GABRA1: variants seen among roughly 807,000 people sequenced by gnomAD.
The protein encoded by GABRA1 is gamma-aminobutyric acid receptor subunit alpha-1.
A neutral mutation model predicts 48.9 loss-of-function variants in GABRA1; 9 were observed. That is an observed-to-expected ratio of 0.18 (90% CI 0.11 to 0.32). The LOEUF is 0.32. Among genes scored for constraint, GABRA1 ranks in the 10% least tolerant of loss-of-function variants. The pLI is 1.00. For synonymous variants in GABRA1, 210 were observed against 198.7 expected (o/e 1.06, Z -0.48); for missense variants, 285 against 553.8 (o/e 0.51, Z 4.87).
chr5:161,868,324 A>T (rs987222760), intron 4 of GABRA1, among the ~76,000 whole-genome samples: 1 of 152,150 alleles, frequency 6.6e-6, no homozygotes, highest in Non-Finnish European at 1.5e-5. Flanking sequence ...TAAAACCTCC[A>T]GCATGGAAGA....
At chr5:161,852,050 C>T (rs1040575197) in intron 2 of GABRA1, among the ~76,000 whole-genome samples, 3 of 151,910 alleles carry the variant, frequency 2.0e-5, no homozygotes, top group South Asian at 2.1e-4. Flanking sequence ...GCATCTTATT[C>T]GTAGGGTTTT....
chr5:161,889,904 A>G (rs1755014131), intron 7 of GABRA1, among the ~76,000 whole-genome samples: 1 of 152,090 alleles, frequency 6.6e-6, no homozygotes, highest in Non-Finnish European at 1.5e-5. Flanking sequence ...AGATATTTTA[A>G]GTTAAAAAAA....
intron 1 of GABRA1, chr5:161,848,852 G>A: frequency 3.2e-5 from 13 of 404,020 alleles, no homozygotes; most frequent in South Asian, 2.1e-4. Flanking sequence ...AAGTTAAGAC[G>A]CTGGGACGGA....
chr5:161,871,422 A>G (rs1754116515), intron 4 of GABRA1, among the ~76,000 whole-genome samples: 1 of 152,146 alleles, frequency 6.6e-6, no homozygotes, highest in South Asian at 2.1e-4. Context: ...AAATTTCGTC[A>G]CATATTATAT....
chr5:161,853,384 A>C (rs1234586660), intron 2 of GABRA1, among the ~76,000 whole-genome samples: 2 of 151,864 alleles, frequency 1.3e-5, no homozygotes, highest in Non-Finnish European at 2.9e-5. Context: ...AATTTGAAGA[A>C]AGCTAGGTTC....
At chr5:161,862,564 C>G (rs1304261506) in intron 3 of GABRA1, among the ~76,000 whole-genome samples, 2 of 151,748 alleles carry the variant, frequency 1.3e-5, no homozygotes, top group South Asian at 4.1e-4. Flanking sequence ...TTGCATAACT[C>G]TGTAGGTACT....
intron 3 of GABRA1, among the ~76,000 whole-genome samples, chr5:161,859,543 A>C (rs1160060342): frequency 6.6e-6 from 1 of 151,768 alleles, no homozygotes; most frequent in Non-Finnish European, 1.5e-5. Flanking sequence ...AACTTTGTAA[A>C]ATTTAGGTGA....
intron 7 of GABRA1, among the ~76,000 whole-genome samples, chr5:161,887,969 G>T (rs1055408519): frequency 6.6e-6 from 1 of 152,114 alleles, no homozygotes; most frequent in African/African-American, 2.4e-5. Flanking sequence ...ACTAATATTT[G>T]AGAAGGCAAA....
Position 161,897,754 on chromosome 5 carries a change from T to C in GABRA1, c.*332T>C, listed in dbSNP as rs1412141825. 2 of 226,204 alleles carry C rather than the reference T, an allele frequency of 8.8e-6. No individual in the cohort carries two copies. The highest frequency in any genetic ancestry group is 1.1e-4 in the East Asian group (1 of 9,182). 14.0% of individuals were successfully genotyped at this position (226,204 alleles called of 1,614,324 possible). On this transcript the variant is annotated 3_prime_UTR_variant, in exon 10 of 10. Transcript: ENST00000393943. Reference sequence around the variant, plus strand: ...ACACTTAACTAAAACCCCTAGGTCATTTGTAGATATATATTTCCAAATATT... The same window carrying C: ...ACACTTAACTAAAACCCCTAGGTCACTTGTAGATATATATTTCCAAATATT...
At chr5:161,875,514 T>C (rs768345960) in intron 5 of GABRA1, 46 bp from the exon 6 acceptor site, 1 of 1,414,128 alleles carries the variant, frequency 7.1e-7, no homozygotes, top group Non-Finnish European at 1.0e-6. Context: ...TATCAAGAAG[T>C]ATCTAATCTA....
At chr5:161,852,648 A>C (rs548704839) in intron 2 of GABRA1, among the ~76,000 whole-genome samples, 3 of 152,094 alleles carry the variant, frequency 2.0e-5, no homozygotes, top group African/African-American at 7.2e-5. Context: ...TGATTTAAAA[A>C]AACAGCAAGA....
At chr5:161,872,625 A>G (rs186666846) in intron 4 of GABRA1, among the ~76,000 whole-genome samples, 22 of 152,310 alleles carry the variant, frequency 1.4e-4, no homozygotes, top group Admixed American at 1.2e-3. Flanking sequence ...GAATTTTTAC[A>G]TCCATATTGG....
intron 1 of GABRA1, chr5:161,848,838 T>C (rs1757323612): frequency 1.3e-5 from 5 of 374,046 alleles, no homozygotes; most frequent in South Asian, 9.6e-5. Context: ...GGGGCCATCA[T>C]CTAAAGTTAA....
chr5:161,872,913 G>C, intron 4 of GABRA1: 1 of 565,580 alleles, frequency 1.8e-6, no homozygotes. Flanking sequence ...AGGCATTTTA[G>C]ATATTTTTTT....
At chr5:161,893,048 T>TAATAATAATAATAATAAA (rs5872733) in intron 8 of GABRA1, among the ~76,000 whole-genome samples, 1 of 141,992 alleles carries the variant, frequency 7.0e-6, no homozygotes, top group African/African-American at 2.6e-5. Flanking sequence ...ATAATAATAA[T>TAATAATAATAATAATAAA]AAAATAAACA....
At chr5:161,864,191 T>C in intron 3 of GABRA1, among the ~76,000 whole-genome samples, 1 of 152,144 alleles carries the variant, frequency 6.6e-6, no homozygotes, top group East Asian at 1.9e-4. Context: ...CAGTTTGAAG[T>C]AAATTAATTT....
At chr5:161,860,454 A>G (rs10061789) in intron 3 of GABRA1, among the ~76,000 whole-genome samples, 2,260 of 144,498 alleles carry the variant, frequency 0.016, 65 homozygotes, top group African/African-American at 0.054. Context: ...GGAGACAGAG[A>G]GTAGAAGGAT....
chr5:161,897,771 C>G lies in GABRA1; in HGVS notation c.*349C>G, dbSNP rs1289083200. On this transcript the variant is annotated 3_prime_UTR_variant, in exon 10 of 10. Coordinates refer to ENST00000393943, the MANE Select transcript of GABRA1 (RefSeq NM_001127644.2). ...CTAGGTCATTTGTAGATATATATTT[C>G]CAAATATTCTAAAAAAGATACTGTA... 1 of 193,260 alleles carries G rather than the reference C, an allele frequency of 5.2e-6. No homozygotes were observed. The highest frequency in any genetic ancestry group is 1.1e-5 in the Non-Finnish European group (1 of 94,814). 12.0% of individuals were successfully genotyped at this position (193,260 alleles called of 1,614,324 possible).
chr5:161,851,618 TAAG>T (rs983086729), intron 2 of GABRA1, among the ~76,000 whole-genome samples: 2 of 152,196 alleles, frequency 1.3e-5, no homozygotes, highest in African/African-American at 4.8e-5. Context: ...CTGTGACCCA[TAAG>T]AAGGTCAGAC....
Sources: allele counts gnomAD v4.1 joint callset (sites outside exome capture counted in the v4.1 genomes callset), GRCh38; gene constraint gnomAD v4.1.1; transcripts MANE v1.5; gene names NCBI Gene and HGNC (gene_info 2026-07-23, HGNC 2026-07-21).